The following LUC7L2 variants were observed in gnomAD, a reference collection of about 807,000 sequenced individuals.
The protein encoded by LUC7L2 is LUC7 like 2, pre-mRNA splicing factor.
LUC7L2 carries 25 observed loss-of-function variants against 52.8 expected under a neutral mutation model. The observed-to-expected ratio is 0.47, with a 90% CI of 0.34 to 0.66. LUC7L2 has a LOEUF of 0.66. LUC7L2 is among the 30% of genes least tolerant of loss of function. The pLI is 0.01. For missense variants in LUC7L2, 328 were observed against 497.8 expected (o/e 0.66, Z 3.25); for synonymous variants, 144 against 160.9 (o/e 0.89, Z 0.80).
chr7:139,386,079 T>G (rs1794180061), intron 2 of LUC7L2, among the ~76,000 whole-genome samples: 1 of 152,282 alleles, frequency 6.6e-6, no homozygotes, highest in Admixed American at 6.5e-5. Context: ...CTTGGCTCAC[T>G]GCAGCCTCCA....
At chr7:139,366,930 C>G (rs1283967137) in intron 1 of LUC7L2, among the ~76,000 whole-genome samples, 1 of 152,196 alleles carries the variant, frequency 6.6e-6, no homozygotes, top group Non-Finnish European at 1.5e-5. Context: ...TCTTCTAGAT[C>G]AGTGTTTCCC....
intron 2 of LUC7L2, among the ~76,000 whole-genome samples, chr7:139,381,367 T>C (rs1801008685): frequency 1.1e-5 from 1 of 93,084 alleles, no homozygotes; most frequent in African/African-American, 5.1e-5. Flanking sequence ...TTATTTTATT[T>C]TATTTTATTT....
At chr7:139,350,366 C>T (rs1475031732) in intron 1 of LUC7L2, among the ~76,000 whole-genome samples, 8 of 152,136 alleles carry the variant, frequency 5.3e-5, no homozygotes, top group Non-Finnish European at 1.2e-4. Context: ...CATGATCCAC[C>T]CGCCTCGACC....
chr7:139,340,742 G>A, intron 1 of LUC7L2: 1 of 379,828 alleles, frequency 2.6e-6, no homozygotes, highest in East Asian at 3.8e-5. Flanking sequence ...TCCTAAGCCA[G>A]GGATTGTGGG....
intron 1 of LUC7L2, chr7:139,375,601 GATT>G (rs1253565113): frequency 1.0e-6 from 1 of 985,960 alleles, no homozygotes; most frequent in East Asian, 1.1e-4. Context: ...ATGTTTGCAA[GATT>G]ATTTTTTATG....
At chr7:139,379,891 A>G (rs1002192650) in intron 2 of LUC7L2, among the ~76,000 whole-genome samples, 2 of 152,078 alleles carry the variant, frequency 1.3e-5, no homozygotes, top group Non-Finnish European at 2.9e-5. Context: ...TTAAAATAAT[A>G]AATTAATCAG....
intron 1 of LUC7L2, among the ~76,000 whole-genome samples, chr7:139,366,039 C>T (rs910785309): frequency 9.2e-5 from 14 of 152,218 alleles, no homozygotes; most frequent in African/African-American, 2.9e-4. Flanking sequence ...AAATCATCTG[C>T]AGCTCCATGT....
At chr7:139,369,219 A>G (rs1800318426) in intron 1 of LUC7L2, among the ~76,000 whole-genome samples, 1 of 152,242 alleles carries the variant, frequency 6.6e-6, no homozygotes, top group African/African-American at 2.4e-5. Context: ...TCCAGAGTGC[A>G]ATTGTTACTA....
intron 1 of LUC7L2, chr7:139,375,561 G>T: frequency 1.0e-6 from 1 of 985,472 alleles, no homozygotes; most frequent in Non-Finnish European, 1.2e-6. Context: ...TGGCGTCTGG[G>T]GTTCAGTGGG....
intron 1 of LUC7L2, 28 bp downstream of exon 1, chr7:139,360,350 G>A: frequency 1.3e-6 from 2 of 1,548,116 alleles, no homozygotes; most frequent in Non-Finnish European, 8.7e-7. Context: ...CCCTGGGGGT[G>A]GGGGAGGGGA....
intron 2 of LUC7L2, chr7:139,392,718 T>A (rs1794495404): frequency 5.9e-6 from 1 of 168,838 alleles, no homozygotes; most frequent in African/African-American, 2.4e-5. Flanking sequence ...TGCAATGGTG[T>A]GATCTTGGCT....
chr7:139,407,784 C>T (rs560442199), intron 6 of LUC7L2, among the ~76,000 whole-genome samples: 1 of 151,972 alleles, frequency 6.6e-6, no homozygotes, highest in East Asian at 1.9e-4. Flanking sequence ...TTATTTTATG[C>T]TCCTGCTTCC....
At chr7:139,386,202 C>G (rs1305713467) in intron 2 of LUC7L2, among the ~76,000 whole-genome samples, 1 of 151,636 alleles carries the variant, frequency 6.6e-6, no homozygotes, top group Non-Finnish European at 1.5e-5. Flanking sequence ...GGGGTTTCAC[C>G]ATGTTGGCTA....
intron 1 of LUC7L2, among the ~76,000 whole-genome samples, chr7:139,348,766 A>G (rs1472141492): frequency 6.6e-6 from 1 of 152,142 alleles, no homozygotes; most frequent in Non-Finnish European, 1.5e-5. Flanking sequence ...AATTTACCAG[A>G]TTTGTGATCT....
At position 139,398,648 on chromosome 7, in the gene LUC7L2, C is replaced by T; in HGVS notation, c.206C>T (p.Ala69Val). 1.2e-6 allele frequency: 2 copies of T among 1,612,110 alleles called. No homozygotes were observed. The highest frequency in any genetic ancestry group is 1.7e-6 in the Non-Finnish European group (2 of 1,179,322). ...AAAGTCCATGACCTGGCTTTAAGAG[C>T]GGATTATGAAATTGCATCCAAAGAA... Reference protein sequence around the residue: ...CLKVHDLALRADYEIASKEQD... With the variant: ...CLKVHDLALRVDYEIASKEQD... The change falls in exon 3 of 10, where the codon GCG becomes GTG. Residue 69 changes from alanine to valine, a missense_variant. Physicochemically the swap from Ala to Val is moderately conservative, Grantham distance 64. Coordinates refer to ENST00000354926, the MANE Select transcript of LUC7L2 (RefSeq NM_016019.5).
chr7:139,384,798 G>A lies in LUC7L2; in HGVS notation c.156+8642G>A, dbSNP rs1364958863. Among the ~76,000 whole-genome samples, 5 of 152,136 alleles carry A rather than the reference G, an allele frequency of 3.3e-5. No homozygotes were observed. In the East Asian group the frequency reaches 5.8e-4, roughly 18 times the overall value. On this transcript the variant is annotated intron_variant, in intron 2 of 9. Coordinates refer to ENST00000354926, the MANE Select transcript of LUC7L2 (RefSeq NM_016019.5). Reference sequence around the variant, plus strand: ...CTCACTGTGTTGTCCAGGCTGGAGTGCAGTGGCTATTTGTAGGAGCAATCA... The same window carrying A: ...CTCACTGTGTTGTCCAGGCTGGAGTACAGTGGCTATTTGTAGGAGCAATCA...
At position 139,417,626 on chromosome 7, in the gene LUC7L2, C is replaced by T; in HGVS notation, c.898C>T (p.Arg300Cys). The T allele has an allele frequency of 1.9e-6, 3 of 1,614,162 alleles. No homozygotes were observed. The highest frequency in any genetic ancestry group is 2.5e-6 in the Non-Finnish European group (3 of 1,180,038). Residue 300 changes from arginine to cysteine, a missense_variant, in exon 9 of 10, where the codon CGC becomes TGC. Physicochemically the swap from Arg to Cys is radical, Grantham distance 180 (BLOSUM62 -3). Transcript: ENST00000354926. ...AACTCGATCCAAATCTCGGGAGAAA[C>T]GCCATCGCCACAGGTCCCGCTCCAG... The part of the protein sequence containing the change: ...RRTRSKSREK[R>C]HRHRSRSSSR...
At chr7:139,407,011 T>G (rs1795155263) in intron 5 of LUC7L2, among the ~76,000 whole-genome samples, 163 bp from the exon 6 acceptor site, 1 of 147,792 alleles carries the variant, frequency 6.8e-6, no homozygotes, top group Admixed American at 6.7e-5. Context: ...GTTTTTTTTT[T>G]TTTTTTTTTT....
chr7:139,345,372 T>C (rs1241942908), intron 1 of LUC7L2: 2 of 1,361,616 alleles, frequency 1.5e-6, no homozygotes, highest in South Asian at 2.9e-5. Flanking sequence ...TATACATGTA[T>C]ATACATACAT....
Sources: allele counts gnomAD v4.1 joint callset (sites outside exome capture counted in the v4.1 genomes callset), GRCh38; gene constraint gnomAD v4.1.1; transcripts MANE v1.5; gene names NCBI Gene and HGNC (gene_info 2026-07-23, HGNC 2026-07-21).